CCDC18: variants seen among roughly 807,000 people sequenced by gnomAD.
CCDC18 encodes the protein coiled-coil domain-containing protein 18.
CCDC18 carries 157 observed loss-of-function variants against 196.0 expected under a neutral mutation model. That is an observed-to-expected ratio of 0.80 (90% CI 0.70 to 0.91). CCDC18 has a LOEUF of 0.91. Among genes scored for constraint, CCDC18 ranks in the 40% least tolerant of loss-of-function variants. CCDC18 has a pLI of 0.00. For missense variants in CCDC18, 1,465 were observed against 1,611.6 expected (o/e 0.91, Z 1.56); for synonymous variants, 482 against 529.2 (o/e 0.91, Z 1.22).
chr1:93,255,215 T>G (rs1455597846), intron 24 of CCDC18, among the ~76,000 whole-genome samples: 1 of 152,046 alleles, frequency 6.6e-6, no homozygotes, highest in Non-Finnish European at 1.5e-5. Context: ...CCTCCCAAAG[T>G]GCTGGGATTA....
At chr1:93,222,972 ATG>A (rs1204561843) in intron 16 of CCDC18, among the ~76,000 whole-genome samples, 1 of 152,152 alleles carries the variant, frequency 6.6e-6, no homozygotes, top group Non-Finnish European at 1.5e-5. Flanking sequence ...CCATGTAGAC[ATG>A]TGTTTATTCA....
At chr1:93,197,051 C>G (rs1422153625) in intron 6 of CCDC18, among the ~76,000 whole-genome samples, 1 of 152,030 alleles carries the variant, frequency 6.6e-6, no homozygotes, top group Non-Finnish European at 1.5e-5. Context: ...AAAATTTAAC[C>G]TTATATACAT....
intron 9 of CCDC18, among the ~76,000 whole-genome samples, chr1:93,207,766 G>C (rs1485490064): frequency 6.6e-6 from 1 of 152,044 alleles, no homozygotes; most frequent in Non-Finnish European, 1.5e-5. Flanking sequence ...ATCCCCAAAA[G>C]GTATTTTGGA....
chr1:93,260,938 G>A (rs1398058327), intron 26 of CCDC18, among the ~76,000 whole-genome samples: 1 of 152,190 alleles, frequency 6.6e-6, no homozygotes, highest in Non-Finnish European at 1.5e-5. Context: ...TCCCTGCAAA[G>A]GACGTGAACT....
At chr1:93,216,997 TG>T in intron 13 of CCDC18, among the ~76,000 whole-genome samples, 1 of 147,660 alleles carries the variant, frequency 6.8e-6, no homozygotes, top group South Asian at 2.1e-4. Flanking sequence ...TGCAGTGGTG[TG>T]ATCTCGGCTC....
chr1:93,229,587 T>C (rs1055385114), intron 17 of CCDC18, among the ~76,000 whole-genome samples: 4 of 152,214 alleles, frequency 2.6e-5, no homozygotes, highest in Admixed American at 2.6e-4. Context: ...TAAGTGGCCC[T>C]AGGGCATATA....
chr1:93,254,836 C>T (rs1399077164), intron 24 of CCDC18, among the ~76,000 whole-genome samples: 2 of 150,676 alleles, frequency 1.3e-5, no homozygotes, highest in Non-Finnish European at 1.5e-5. Flanking sequence ...TCTCTGTATA[C>T]AGGCCTTTGC....
chr1:93,214,338 G>A (rs1656147654), intron 11 of CCDC18, among the ~76,000 whole-genome samples: 1 of 152,118 alleles, frequency 6.6e-6, no homozygotes, highest in Admixed American at 6.5e-5. Context: ...TCTGTGTGCA[G>A]TACATAAAAA....
intron 16 of CCDC18, 69 bp from the exon 17 acceptor site, chr1:93,226,264 A>G: frequency 1.4e-6 from 1 of 711,196 alleles, no homozygotes; most frequent in Non-Finnish European, 2.5e-6. Flanking sequence ...ACATTAGGAG[A>G]TAAATCTGTA....
intron 7 of CCDC18, among the ~76,000 whole-genome samples, chr1:93,202,668 G>A (rs1654026129): frequency 1.3e-5 from 2 of 152,170 alleles, no homozygotes; most frequent in African/African-American, 4.8e-5. Flanking sequence ...TCAGGTAGAA[G>A]GGTAGAGTAA....
At chr1:93,227,994 T>A (rs1014243707) in intron 17 of CCDC18, among the ~76,000 whole-genome samples, 2 of 138,940 alleles carry the variant, frequency 1.4e-5, no homozygotes, top group Non-Finnish European at 3.1e-5. Flanking sequence ...ATATATTTAT[T>A]TATATTTACA....
intron 3 of CCDC18, 99 bp from the exon 4 acceptor site, chr1:93,186,246 T>C: frequency 9.0e-7 from 1 of 1,116,172 alleles, no homozygotes; most frequent in Non-Finnish European, 1.3e-6. Context: ...CTGAGCTGCT[T>C]CGTCATTTTG....
intron 23 of CCDC18, among the ~76,000 whole-genome samples, chr1:93,249,844 A>T (rs999376632): frequency 6.6e-6 from 1 of 152,088 alleles, no homozygotes; most frequent in Non-Finnish European, 1.5e-5. Context: ...TATTTTTTTG[A>T]TGTAAGCAAT....
chr1:93,241,038 G>T (rs1056670727), intron 21 of CCDC18, among the ~76,000 whole-genome samples: 1 of 151,932 alleles, frequency 6.6e-6, no homozygotes, highest in Non-Finnish European at 1.5e-5. Flanking sequence ...GCTCACTGCA[G>T]CCTCCACCTC....
intron 17 of CCDC18, among the ~76,000 whole-genome samples, chr1:93,229,480 T>C (rs541861863): frequency 1.0e-3 from 152 of 152,330 alleles, no homozygotes; most frequent in Non-Finnish European, 1.7e-3. Flanking sequence ...ATTTGAGTAA[T>C]AGTGCATCCA....
intron 21 of CCDC18, 114 bp from the exon 22 acceptor site, chr1:93,245,991 T>C: frequency 5.4e-6 from 3 of 551,940 alleles, no homozygotes; most frequent in Non-Finnish European, 9.5e-6. Context: ...TCTGACTTGA[T>C]TGCATATATT....
intron 2 of CCDC18, 89 bp downstream of exon 2, chr1:93,183,584 A>G: frequency 1.1e-6 from 1 of 917,264 alleles, no homozygotes; most frequent in Non-Finnish European, 1.6e-6. Context: ...TATTGTTTCT[A>G]ACCTGCCTCT....
Position 93,236,301 on chromosome 1 carries a change from G to A in CCDC18, c.2514G>A (p.Lys838=), listed in dbSNP as rs774129680. 1.3e-6 allele frequency: 2 copies of A among 1,580,386 alleles called. No homozygotes were observed. Among genetic ancestry groups the A allele is most frequent in the Middle Eastern group, 1.7e-4 (1 of 5,968 alleles). ...AACAAAGGGAAAGTTCAGCTGAAAA[G>A]TTGAGAAAAATGGAGGAGAAATGTG... ...LQKQRESSAE[K]LRKMEEKCES... Residue 838 remains lysine (K), a synonymous_variant, in exon 19 of 29, where the codon AAG becomes AAA. Coordinates refer to ENST00000690025, the MANE Select transcript of CCDC18 (RefSeq NM_001378204.1).
chr1:93,180,695 G>C (rs759702444), upstream of CCDC18: 15 of 1,354,524 alleles, frequency 1.1e-5, no homozygotes, highest in Non-Finnish European at 1.5e-5. Flanking sequence ...GCAGTGACCG[G>C]GTAGGCGCGT....
Sources: gnomAD v4.1 joint callset for allele counts (sites outside exome capture counted in the v4.1 genomes callset) on GRCh38, gnomAD v4.1.1 for gene constraint, MANE v1.5 for transcripts, NCBI Gene and HGNC (gene_info 2026-07-23, HGNC 2026-07-21) for gene names.